RBFOX1: variants seen among roughly 807,000 people sequenced by gnomAD.
RBFOX1 encodes the protein RNA binding fox-1 homolog 1.
Under a neutral mutation model 57.7 loss-of-function variants are expected in RBFOX1, and 8 were observed. The ratio of observed to expected loss-of-function variants is 0.14; its 90% confidence interval spans 0.08 to 0.25. The LOEUF (loss-of-function observed/expected upper bound fraction) is 0.25. Ranked by LOEUF, RBFOX1 falls within the 10% of genes least tolerant of loss-of-function variation. The pLI is 1.00. For synonymous variants in RBFOX1, 326 were observed against 222.4 expected (o/e 1.47, Z -4.15); for missense variants, 611 against 548.5 (o/e 1.11, Z -1.14).
At chr16:5,290,027 A>G (rs1398465103) in intron 1 of RBFOX1, among the ~76,000 whole-genome samples, 1 of 152,260 alleles carries the variant, frequency 6.6e-6, no homozygotes, top group African/African-American at 2.4e-5. Context: ...ATGCAATGGA[A>G]TATTATTCAG....
intron 3 of RBFOX1, among the ~76,000 whole-genome samples, chr16:6,760,658 C>G (rs138538846): frequency 1.3e-5 from 2 of 152,136 alleles, no homozygotes; most frequent in South Asian, 2.1e-4. Flanking sequence ...TATACTGGAG[C>G]AGAGAGATCC....
intron 4 of RBFOX1, among the ~76,000 whole-genome samples, chr16:7,099,269 A>G (rs1181196187): frequency 2.0e-5 from 3 of 152,138 alleles, no homozygotes; most frequent in Non-Finnish European, 2.9e-5. Flanking sequence ...AGATCACTCT[A>G]GCTGCAGTGG....
chr16:7,249,760 A>G (rs995244857), intron 4 of RBFOX1, among the ~76,000 whole-genome samples: 1 of 152,168 alleles, frequency 6.6e-6, no homozygotes, highest in Non-Finnish European at 1.5e-5. Context: ...ACAAACCGAC[A>G]GTGATGAGCA....
chr16:6,999,656 A>G (rs1310355008), intron 3 of RBFOX1, among the ~76,000 whole-genome samples: 2 of 152,228 alleles, frequency 1.3e-5, no homozygotes, highest in East Asian at 1.9e-4. Flanking sequence ...TCCCTTCCCC[A>G]TCAATATTTT....
chr16:5,311,325 C>A (rs1596481008), intron 1 of RBFOX1, among the ~76,000 whole-genome samples: 1 of 152,174 alleles, frequency 6.6e-6, no homozygotes, highest in South Asian at 2.1e-4. Flanking sequence ...TAGGTTGGTT[C>A]CATATCTTTG....
Position 7,709,393 on chromosome 16 carries a change from T to C in RBFOX1, c.1071+262T>C, listed in dbSNP as rs2083524175. The C allele has an allele frequency of 5.0e-5, 62 of 1,250,110 alleles. No homozygotes were observed. In the South Asian group the frequency reaches 5.2e-4, roughly 11 times the overall value. The allele number at this position is 1,250,110 out of a possible 1,614,324, so 77.4% of individuals were successfully genotyped here. ...AGAGCACTTACCTTAATGGAATAAT[T>C]AGTCATTTTGATAATTAAATCCATC... On this transcript the variant is annotated intron_variant, in intron 15 of 15. Transcript: ENST00000550418.
At chr16:6,685,271 T>C (rs1439317290) in intron 3 of RBFOX1, among the ~76,000 whole-genome samples, 7 of 106,006 alleles carry the variant, frequency 6.6e-5, no homozygotes, top group African/African-American at 9.4e-5. Flanking sequence ...GGGAGAGTTT[T>C]TCTTTTTTTT....
chr16:7,646,295 A>G (rs1597226623), intron 11 of RBFOX1, among the ~76,000 whole-genome samples: 1 of 152,154 alleles, frequency 6.6e-6, no homozygotes, highest in Non-Finnish European at 1.5e-5. Context: ...TCAGTATGTT[A>G]CCTATTATGC....
At position 6,450,828 on chromosome 16, in the gene RBFOX1, T is replaced by C. The variant is rs376730635; in HGVS notation, c.-64+133771T>C. ...ATATATATATATATACATATATATA[T>C]ATATATATGTGTATATATATATATA... On this transcript the variant is annotated intron_variant, in intron 2 of 15. Transcript: ENST00000550418. 1.1e-3 allele frequency among the ~76,000 whole-genome samples: 30 copies of C among 27,386 alleles called. 2 individuals are homozygous for C. Among genetic ancestry groups the C allele is most frequent in the South Asian group, 2.3e-3 (2 of 868 alleles). 18.0% of individuals were successfully genotyped at this position (27,386 alleles called of 152,430 possible). A position where few individuals can be genotyped will look rare whatever the true frequency, so the allele number is the denominator to read the frequency against.
intron 2 of RBFOX1, among the ~76,000 whole-genome samples, chr16:6,575,106 C>T (rs2097411316): frequency 6.6e-6 from 1 of 151,548 alleles, no homozygotes; most frequent in Non-Finnish European, 1.5e-5. Flanking sequence ...GAGACATGGC[C>T]TGGGGTCTCC....
At chr16:6,474,217 A>G (rs2095237501) in intron 2 of RBFOX1, among the ~76,000 whole-genome samples, 1 of 152,126 alleles carries the variant, frequency 6.6e-6, no homozygotes, top group South Asian at 2.1e-4. Flanking sequence ...TCCAGTTTTT[A>G]TTATCCAGAT....
intron 3 of RBFOX1, among the ~76,000 whole-genome samples, chr16:6,934,169 C>G (rs950192593): frequency 6.6e-6 from 1 of 152,142 alleles, no homozygotes; most frequent in African/African-American, 2.4e-5. Context: ...GTTTTCCTAA[C>G]AGTATGTGCA....
chr16:6,835,617 G>A (rs1247477935), intron 3 of RBFOX1, among the ~76,000 whole-genome samples: 1 of 151,808 alleles, frequency 6.6e-6, no homozygotes, highest in African/African-American at 2.4e-5. Flanking sequence ...GCTGGGCATG[G>A]TGGTGCACGA....
chr16:7,295,295 G>A (rs576118193), intron 4 of RBFOX1, among the ~76,000 whole-genome samples: 6 of 152,110 alleles, frequency 3.9e-5, no homozygotes, highest in Non-Finnish European at 5.9e-5. Flanking sequence ...AAAGAAAATT[G>A]TATCTGAAGT....
intron 2 of RBFOX1, chr16:6,483,477 C>G: frequency 6.5e-7 from 1 of 1,535,736 alleles, no homozygotes; most frequent in Non-Finnish European, 8.7e-7. Flanking sequence ...GGTGAGGAAA[C>G]AGGAGGCACT....
chr16:7,179,111 C>A (rs766633965), intron 4 of RBFOX1, among the ~76,000 whole-genome samples: 2 of 151,976 alleles, frequency 1.3e-5, no homozygotes, highest in Non-Finnish European at 2.9e-5. Flanking sequence ...TTGGTCAGAT[C>A]CCAGATTACT....
chr16:7,388,486 C>G (rs2097921539), intron 4 of RBFOX1, among the ~76,000 whole-genome samples: 2 of 152,170 alleles, frequency 1.3e-5, no homozygotes, highest in South Asian at 4.2e-4. Flanking sequence ...TTTTTATCAT[C>G]TCTCTGCCCG....
At position 5,577,389 on chromosome 16, in the gene RBFOX1, C is replaced by G. The variant is rs556316390; in HGVS notation, c.259-21513C>G. ...GGGGGGTCTCACCTCCTCACCTCAA[C>G]ATTTTTATGTTAGGACAGTAAGTGG... On this transcript the variant is annotated intron_variant, in intron 2 of 2. Transcript: ENST00000585867. Among the ~76,000 whole-genome samples the G allele has an allele frequency of 1.3e-5, 2 of 152,148 alleles. 1 individual carries two copies. The highest frequency in any genetic ancestry group is 4.1e-4 in the South Asian group (2 of 4,832).
At chr16:5,637,712 C>T (rs186616092) in intron 3 of RBFOX1, among the ~76,000 whole-genome samples, 6 of 152,252 alleles carry the variant, frequency 3.9e-5, no homozygotes, top group Middle Eastern at 3.4e-3. Context: ...GGAAGGATCC[C>T]TAAGGGTGGA....
Sources: allele counts gnomAD v4.1 joint callset (sites outside exome capture counted in the v4.1 genomes callset), GRCh38; gene constraint gnomAD v4.1.1; transcripts MANE v1.5; gene names NCBI Gene and HGNC (gene_info 2026-07-23, HGNC 2026-07-21).